Variants in SLC25A15 observed in about 807,000 individuals in gnomAD.
The protein encoded by SLC25A15 is mitochondrial ornithine transporter 1.
SLC25A15 carries 24 observed loss-of-function variants against 32.3 expected under a neutral mutation model. That is an observed-to-expected ratio of 0.74 (90% CI 0.54 to 1.04). The LOEUF is 1.04. Among genes scored for constraint, SLC25A15 ranks in the 50% least tolerant of loss-of-function variants. SLC25A15 has a pLI of 0.00. For missense variants in SLC25A15, 317 were observed against 374.5 expected (o/e 0.85, Z 1.27); for synonymous variants, 132 against 142.1 (o/e 0.93, Z 0.51).
At position 40,809,779 on chromosome 13, in the gene SLC25A15, G is replaced by T. The variant is rs2058816275; in HGVS notation, c.*112G>T. On this transcript the variant is annotated 3_prime_UTR_variant, in exon 7 of 7. Coordinates refer to ENST00000338625, the MANE Select transcript of SLC25A15 (RefSeq NM_014252.4). Reference sequence around the variant, plus strand: ...GTTATTCTGATTTCTTGGGAATTTTGCTTTTTGTCTTCCCTTCTACCCTAC... The same window carrying T: ...GTTATTCTGATTTCTTGGGAATTTTTCTTTTTGTCTTCCCTTCTACCCTAC... The T allele has an allele frequency of 1.6e-6, 2 of 1,238,126 alleles. No homozygotes were observed. Among genetic ancestry groups the T allele is most frequent in the Non-Finnish European group, 2.3e-6 (2 of 854,720 alleles). 76.7% of individuals were successfully genotyped at this position (1,238,126 alleles called of 1,614,324 possible).
At chr13:40,804,369 G>A (rs1182151307) in intron 3 of SLC25A15, among the ~76,000 whole-genome samples, 1 of 152,130 alleles carries the variant, frequency 6.6e-6, no homozygotes, top group African/African-American at 2.4e-5. Context: ...GGTTGTTGCA[G>A]TCAGGAAGAC....
At chr13:40,801,654 T>A (rs1881895273) in intron 3 of SLC25A15, among the ~76,000 whole-genome samples, 1 of 152,212 alleles carries the variant, frequency 6.6e-6, no homozygotes, top group South Asian at 2.1e-4. Flanking sequence ...GAACTGCTTG[T>A]GAGAGCCTGT....
intron 2 of SLC25A15, among the ~76,000 whole-genome samples, chr13:40,795,310 A>G (rs780283506): frequency 2.6e-5 from 4 of 152,200 alleles, no homozygotes; most frequent in African/African-American, 7.2e-5. Flanking sequence ...CTTTCAGTCA[A>G]TCTGTCAAAG....
intron 1 of SLC25A15, among the ~76,000 whole-genome samples, chr13:40,792,392 T>C (rs1881540492): frequency 6.6e-6 from 1 of 152,200 alleles, no homozygotes; most frequent in Non-Finnish European, 1.5e-5. Context: ...GGCTACTGAA[T>C]CAGAGGCCGC....
At chr13:40,791,236 GA>G (rs1285229572) in intron 1 of SLC25A15, among the ~76,000 whole-genome samples, 2 of 151,986 alleles carry the variant, frequency 1.3e-5, no homozygotes, top group Admixed American at 1.3e-4. Context: ...TGGCCTTGGA[GA>G]AGACCTTGTC....
intron 1 of SLC25A15, among the ~76,000 whole-genome samples, chr13:40,791,907 T>C (rs1021821329): frequency 7.2e-5 from 11 of 152,334 alleles, no homozygotes; most frequent in Admixed American, 5.9e-4. Flanking sequence ...CCACGGCCAA[T>C]GTTTCCTGTT....
chr13:40,799,356 A>C (rs1379051011), intron 3 of SLC25A15, 41 bp downstream of exon 3: 2 of 1,613,144 alleles, frequency 1.2e-6, no homozygotes, highest in Non-Finnish European at 1.7e-6. Context: ...GTTTAAAAAA[A>C]CCCCACAAAA....
In SLC25A15 at chr13:40,805,361, C is replaced by T; in HGVS notation, c.452+106C>T. The T allele has an allele frequency of 3.9e-6, 5 of 1,282,174 alleles. No homozygotes were observed. The South Asian group carries it at 5.0e-5, about 13-fold the overall frequency. The allele number at this position is 1,282,174 out of a possible 1,614,324, so 79.4% of individuals were successfully genotyped here. A position where few individuals can be genotyped will look rare whatever the true frequency, so the allele number is the denominator to read the frequency against. ...GTGGCAGATGTGGAAGCCAATTTAT[C>T]TACTCCAAAATATTGTTTCTAGAAT... On this transcript the variant is annotated intron_variant, in intron 4 of 6. Coordinates refer to ENST00000338625, the MANE Select transcript of SLC25A15 (RefSeq NM_014252.4).
intron 2 of SLC25A15, 100 bp from the exon 3 acceptor site, chr13:40,798,957 C>T (rs1314267474): frequency 1.7e-5 from 28 of 1,608,144 alleles, no homozygotes; most frequent in South Asian, 5.5e-5. Context: ...TGAAATGAAC[C>T]GAAGCAGGGG....
At chr13:40,808,405 C>T in intron 5 of SLC25A15, 33 bp from the exon 6 acceptor site, 1 of 1,599,766 alleles carries the variant, frequency 6.3e-7, no homozygotes, top group Non-Finnish European at 8.5e-7. Context: ...GTTCTTGAGA[C>T]AAAATACCAT....
intron 1 of SLC25A15, among the ~76,000 whole-genome samples, chr13:40,792,366 C>T (rs1334045477): frequency 6.6e-6 from 1 of 152,214 alleles, no homozygotes; most frequent in African/African-American, 2.4e-5. Flanking sequence ...CAGGCAGAAC[C>T]TCTGGTCCTG....
At chr13:40,790,815 G>A (rs577283378) in intron 1 of SLC25A15, among the ~76,000 whole-genome samples, 1 of 152,144 alleles carries the variant, frequency 6.6e-6, no homozygotes, top group Admixed American at 6.5e-5. Context: ...TCGAACTCCC[G>A]ACCTCAGGTG....
chr13:40,807,265 C>G (rs770194398), intron 4 of SLC25A15, 29 bp from the exon 5 acceptor site: 85 of 1,611,342 alleles, frequency 5.3e-5, no homozygotes, highest in Non-Finnish European at 7.1e-5. Flanking sequence ...CCTGCTGTAA[C>G]CGTGCTATCT....
In SLC25A15 at chr13:40,810,981, T is replaced by C. The variant is rs1566125907; in HGVS notation, c.*1314T>C. On this transcript the variant is annotated 3_prime_UTR_variant, in exon 7 of 7. Transcript: ENST00000338625. ...AAGAGAAGCCTTCTTCCCTGTTTGG[T>C]GATTGTGTGACAGTGGGTGAACCTC... The C allele has an allele frequency of 2.4e-6, 1 of 410,654 alleles. No homozygotes were observed. Among genetic ancestry groups the C allele is most frequent in the East Asian group, 6.8e-5 (1 of 14,664 alleles). The allele number at this position is 410,654 out of a possible 1,614,324, so 25.4% of individuals were successfully genotyped here.
chr13:40,801,680 TCA>T (rs1881896089), intron 3 of SLC25A15, among the ~76,000 whole-genome samples: 1 of 152,212 alleles, frequency 6.6e-6, no homozygotes, highest in Non-Finnish European at 1.5e-5. Flanking sequence ...ATTTCTGCAA[TCA>T]CATTGTAAAT....
chr13:40,796,775 A>G (rs1411301779), intron 2 of SLC25A15, among the ~76,000 whole-genome samples: 1 of 151,852 alleles, frequency 6.6e-6, no homozygotes, highest in East Asian at 1.9e-4. Flanking sequence ...TCCCTGAGAC[A>G]CTGTCCCTGC....
chr13:40,789,854 C>T (rs1383880768), intron 1 of SLC25A15, among the ~76,000 whole-genome samples, 191 bp downstream of exon 1: 1 of 152,108 alleles, frequency 6.6e-6, no homozygotes, highest in East Asian at 1.9e-4. Context: ...CTCCTTCCTG[C>T]AGTGCCCACC....
intron 3 of SLC25A15, among the ~76,000 whole-genome samples, chr13:40,804,339 GT>G (rs1432217742): frequency 6.6e-6 from 1 of 152,164 alleles, no homozygotes; most frequent in Non-Finnish European, 1.5e-5. Flanking sequence ...CCATAGCGCT[GT>G]GTGTAATCAA....
At chr13:40,804,154 A>C (rs1232660320) in intron 3 of SLC25A15, among the ~76,000 whole-genome samples, 1 of 152,186 alleles carries the variant, frequency 6.6e-6, no homozygotes, top group Non-Finnish European at 1.5e-5. Flanking sequence ...TAATTTGAAC[A>C]TAGCCGTCTT....
Sources: allele counts gnomAD v4.1 joint callset (sites outside exome capture counted in the v4.1 genomes callset), GRCh38; gene constraint gnomAD v4.1.1; transcripts MANE v1.5; gene names NCBI Gene and HGNC (gene_info 2026-07-23, HGNC 2026-07-21).